Variants in RBP7 observed in about 807,000 individuals in gnomAD.
The protein encoded by RBP7 is retinol binding protein 7, also known as retinoid-binding protein 7.
RBP7 carries 13 observed loss-of-function variants against 16.7 expected under a neutral mutation model. That is an observed-to-expected ratio of 0.78 (90% confidence interval 0.51 to 1.24). The LOEUF (loss-of-function observed/expected upper bound fraction) is 1.24. Ranked by LOEUF, RBP7 falls within the 50% of genes most tolerant of loss-of-function variation. The probability of loss-of-function intolerance (pLI) is 0.00; values close to 1 mark genes in which losing one functional copy is unlikely to be tolerated. For synonymous variants in RBP7, 54 were observed against 56.2 expected (o/e 0.96, Z 0.17); for missense variants, 145 against 159.5 (o/e 0.91, Z 0.49).
chr1:10,003,925 C>A (rs1642347082), intron 1 of RBP7, among the ~76,000 whole-genome samples: 1 of 145,766 alleles, frequency 6.9e-6, no homozygotes, highest in Admixed American at 6.9e-5. Context: ...CTGACTAATT[C>A]TTGTATTTTT....
At chr1:10,005,147 T>C (rs1416087587) in intron 1 of RBP7, among the ~76,000 whole-genome samples, 1 of 152,170 alleles carries the variant, frequency 6.6e-6, no homozygotes, top group Non-Finnish European at 1.5e-5. Context: ...AGCTTTTTTA[T>C]TTGCAGCTGA....
chr1:10,007,257 A>AT (rs568093576), intron 1 of RBP7: 5 of 289,298 alleles, frequency 1.7e-5, no homozygotes, highest in South Asian at 6.5e-5. Context: ...TACAGTTTTT[A>AT]TTTTTTTATA....
Position 10,007,670 on chromosome 1 carries a change from A to G in RBP7, c.174A>G (p.Leu58=). Residue 58 remains leucine, a synonymous_variant, in exon 2 of 4, where the codon CTA becomes CTG. Coordinates refer to ENST00000294435, the MANE Select transcript of RBP7 (RefSeq NM_052960.3). ...DSFTIHTNSS[L]RNYFVKFKVG... ...TTACCATCCACACGAACAGCAGCCT[A>G]AGGAACTACTTTGTGAAATTTAAAG... 1 of 1,614,006 alleles carries G rather than the reference A, an allele frequency of 6.2e-7. No homozygotes were observed. The highest frequency in any genetic ancestry group is 8.5e-7 in the Non-Finnish European group (1 of 1,179,938).
chr1:9,999,112 T>A (rs1434019751), intron 1 of RBP7, among the ~76,000 whole-genome samples: 1 of 152,312 alleles, frequency 6.6e-6, no homozygotes, highest in East Asian at 1.9e-4. Flanking sequence ...TTGATGGTTT[T>A]ACAAGGGGTT....
intron 1 of RBP7, among the ~76,000 whole-genome samples, chr1:10,006,764 TAGAGAG>T (rs1212966695): frequency 9.9e-5 from 14 of 141,474 alleles, no homozygotes; most frequent in Admixed American, 4.3e-4. Context: ...TATATATATA[TAGAGAG>T]AGAGAGAGAG....
At chr1:10,001,102 G>C (rs538474963) in intron 1 of RBP7, among the ~76,000 whole-genome samples, 1 of 152,234 alleles carries the variant, frequency 6.6e-6, no homozygotes, top group East Asian at 1.9e-4. Flanking sequence ...GGTCAAATAA[G>C]TCACCAGCAA....
chr1:10,001,372 C>A (rs1642273672), intron 1 of RBP7, among the ~76,000 whole-genome samples: 1 of 152,154 alleles, frequency 6.6e-6, no homozygotes, highest in African/African-American at 2.4e-5. Flanking sequence ...GTGGTGCGAT[C>A]ATGGCTCACT....
intron 3 of RBP7, among the ~76,000 whole-genome samples, chr1:10,010,686 C>T (rs916167385): frequency 6.6e-5 from 10 of 151,098 alleles, no homozygotes; most frequent in African/African-American, 2.4e-4. Flanking sequence ...CCGGGTTCAA[C>T]GATTTTCCTG....
chr1:10,013,381 A>G (rs1642681780), intron 3 of RBP7, among the ~76,000 whole-genome samples: 1 of 151,950 alleles, frequency 6.6e-6, no homozygotes. Context: ...CCACCATGAT[A>G]TATTAAAAAA....
chr1:10,002,421 G>A (rs1642303112), intron 1 of RBP7, among the ~76,000 whole-genome samples: 1 of 151,894 alleles, frequency 6.6e-6, no homozygotes, highest in Non-Finnish European at 1.5e-5. Context: ...ATGGCCTTTT[G>A]GACTGTTGGA....
intron 1 of RBP7, among the ~76,000 whole-genome samples, chr1:10,005,568 G>GGTT (rs1164316731): frequency 7.0e-6 from 1 of 143,518 alleles, no homozygotes. Flanking sequence ...TGTTGTTTGG[G>GGTT]TTTTTTTTTT....
chr1:10,004,865 T>C (rs868380565), intron 1 of RBP7, among the ~76,000 whole-genome samples: 2 of 152,120 alleles, frequency 1.3e-5, no homozygotes, highest in East Asian at 3.9e-4. Context: ...TGGTGGCACA[T>C]GCCTGTAGCC....
In RBP7 at chr1:10,013,074, A is replaced by ATTT. The variant is rs537432311; in HGVS notation, c.355-2694_355-2692dup. ...CATGGAATGCTTCTTACTTACCATG[A>ATTT]TTTTTTTTTTTTTTTTCAGACAGAG... is the stretch of plus-strand genomic sequence containing the variant. On this transcript the variant is annotated intron_variant, in intron 3 of 3. Coordinates refer to ENST00000294435, the MANE Select transcript of RBP7 (RefSeq NM_052960.3). 6.0e-3 allele frequency among the ~76,000 whole-genome samples: 825 copies of ATTT among 137,574 alleles called. 15 individuals carry two copies. Among genetic ancestry groups the ATTT allele is most frequent in the African/African-American group, 0.021 (790 of 37,490 alleles). The allele number at this position is 137,574 out of a possible 152,430, so 90.3% of individuals were successfully genotyped here.
At chr1:10,013,801 A>T (rs1246183512) in intron 3 of RBP7, among the ~76,000 whole-genome samples, 1 of 151,396 alleles carries the variant, frequency 6.6e-6, no homozygotes, top group Non-Finnish European at 1.5e-5. Flanking sequence ...CAAGAGCAAG[A>T]CTCCGTCGCA....
At chr1:10,006,976 T>C (rs1227328551) in intron 1 of RBP7, 1 of 436,670 alleles carries the variant, frequency 2.3e-6, no homozygotes, top group East Asian at 7.7e-5. Context: ...AGATGGAGTC[T>C]CGCTCTGTTG....
Position 9,997,329 on chromosome 1 carries a change from TA to T in RBP7, c.72del (p.Gly25ValfsTer9). On this transcript the variant is annotated frameshift_variant and splice_region_variant, in exon 1 of 4. Transcript: ENST00000294435. LOFTEE classifies it high-confidence loss of function. The surrounding 1 kb of genome is among the most constrained non-coding windows in gnomAD (Gnocchi z 5.9). ...AACTTCGAGGGCTACATGCTGGCCCTAGGTAAGGCGGAGGGGAGGCGGCGGC... is the reference window on the plus strand; with the variant it reads ...AACTTCGAGGGCTACATGCTGGCCCTGGTAAGGCGGAGGGGAGGCGGCGGC... ...SDNFEGYMLA[L>X]GIDFATRKIA... 6.2e-7 allele frequency: 1 copy of T among 1,610,366 alleles called. No homozygotes were observed. Among genetic ancestry groups the T allele is most frequent in the Non-Finnish European group, 8.5e-7 (1 of 1,178,772 alleles).
rs909720235 is a variant in RBP7 at position 10,004,532 on chromosome 1, T to C, written c.74-3038T>C. 4.7e-5 allele frequency among the ~76,000 whole-genome samples: 7 copies of C among 150,186 alleles called. No homozygotes were observed. The East Asian group carries it at 1.0e-3, about 21-fold the overall frequency. On this transcript the variant is annotated intron_variant, in intron 1 of 3. Transcript: ENST00000294435. ...CTGGGATTACAGGCATGCGCCACCA[T>C]GCCCGGCTAATTTTGTATTTTTAGT...
chr1:10,006,914 TG>T (rs1487826340), intron 1 of RBP7: 3 of 427,668 alleles, frequency 7.0e-6, no homozygotes, highest in Non-Finnish European at 1.4e-5. Context: ...GAGGCTGGGT[TG>T]GGGGGCCTAA....
In RBP7 at chr1:10,008,285, C is replaced by G. The variant is rs768518266; in HGVS notation, c.354+11C>G. On this transcript the variant is annotated intron_variant, in intron 3 of 3. Transcript: ENST00000294435. ...GACAAACTCCACCTGGTATCCACCA[C>G]ATTTTGTTCTTAATGAGATGATACA... 6.4e-7 allele frequency: 1 copy of G among 1,553,530 alleles called. No homozygotes were observed. Among genetic ancestry groups the G allele is most frequent in the Middle Eastern group, 1.7e-4 (1 of 5,926 alleles).
Sources: gnomAD v4.1 joint callset for allele counts (sites outside exome capture counted in the v4.1 genomes callset) on GRCh38, gnomAD v4.1.1 for gene constraint, Gnocchi (gnomAD v3.1) non-coding constraint, MANE v1.5 for transcripts, NCBI Gene and HGNC (gene_info 2026-07-23, HGNC 2026-07-21) for gene names.